The following MTAP variants were observed in gnomAD, a reference collection of about 807,000 sequenced individuals.
MTAP encodes the protein methylthioadenosine phosphorylase, also known as S-methyl-5'-thioadenosine phosphorylase.
MTAP carries 33 observed loss-of-function variants against 33.6 expected under a neutral mutation model. That is an observed-to-expected ratio of 0.98 (90% CI 0.74 to 1.31). The LOEUF (loss-of-function observed/expected upper bound fraction) is 1.31. Among genes scored for constraint, MTAP ranks in the 40% most tolerant of loss-of-function variants. The pLI is 0.00. For missense variants in MTAP, 367 were observed against 360.0 expected (o/e 1.02, Z -0.16); for synonymous variants, 148 against 125.7 (o/e 1.18, Z -1.19).
At position 21,865,141 on chromosome 9, in the gene MTAP, G is replaced by A; in HGVS notation, c.*3127G>A. ...GTAGTTCCCATAATCCCCACATGTT[G>A]TGGGAGGGACCCAGTGGGAGGTAAT... On this transcript the variant is annotated 3_prime_UTR_variant, in exon 8 of 8. Transcript: ENST00000644715. 2 of 962,354 alleles carry A rather than the reference G, an allele frequency of 2.1e-6. No individual in the cohort carries two copies. The highest frequency in any genetic ancestry group is 2.5e-6 in the Non-Finnish European group (2 of 808,942). The allele number at this position is 962,354 out of a possible 1,614,324, so 59.6% of individuals were successfully genotyped here.
intron 1 of MTAP, among the ~76,000 whole-genome samples, chr9:21,916,030 G>A (rs917160553): frequency 1.1e-4 from 14 of 132,784 alleles, no homozygotes; most frequent in African/African-American, 3.8e-4. Context: ...ACTGTGTTTC[G>A]AAAGACAGAG....
At chr9:21,877,241 T>C (rs1826025459) in intron 1 of MTAP, among the ~76,000 whole-genome samples, 1 of 152,054 alleles carries the variant, frequency 6.6e-6, no homozygotes, top group South Asian at 2.1e-4. Flanking sequence ...GTTGTTTATG[T>C]GGTGAAGGAG....
At chr9:21,838,117 G>A (rs755843643) in intron 5 of MTAP, 107 bp downstream of exon 5, 31 of 828,674 alleles carry the variant, frequency 3.7e-5, no homozygotes, top group African/African-American at 1.7e-5. Context: ...CCTCACTCAA[G>A]TTTGCTTTGT....
intron 4 of MTAP, among the ~76,000 whole-genome samples, chr9:21,836,228 A>G (rs954252043): frequency 2.6e-5 from 4 of 152,210 alleles, no homozygotes; most frequent in African/African-American, 7.2e-5. Context: ...AATTTGGTTT[A>G]AGTCCACATA....
chr9:21,848,918 G>A (rs1158961545), intron 5 of MTAP, among the ~76,000 whole-genome samples: 5 of 152,168 alleles, frequency 3.3e-5, no homozygotes, highest in Non-Finnish European at 7.3e-5. Flanking sequence ...ATAATGGGCA[G>A]CAGAGGCAAA....
At chr9:21,936,700 A>T (rs1819045281) in exon 8 of MTAP, 1 of 152,202 alleles carries the variant, frequency 6.6e-6, no homozygotes, top group Non-Finnish European at 1.5e-5. Flanking sequence ...GGAATACCCC[A>T]TAACCGTTCA....
downstream of MTAP, chr9:21,935,482 C>A (rs991588426): frequency 6.6e-6 from 1 of 151,290 alleles, no homozygotes; most frequent in Non-Finnish European, 1.5e-5. Context: ...ATTGGCTATA[C>A]ATTTTTTTTT....
intron 1 of MTAP, chr9:21,892,478 T>C (rs1413378221): frequency 2.6e-5 from 4 of 152,148 alleles, no homozygotes; most frequent in African/African-American, 7.2e-5. Context: ...GCTATTCTTA[T>C]TTCAGACAAA....
At chr9:21,802,997 C>CACACACACACAT (rs1563825721) in intron 1 of MTAP, 3 of 809,578 alleles carry the variant, frequency 3.7e-6, no homozygotes, top group Non-Finnish European at 5.0e-6. Context: ...CACACACACA[C>CACACACACACAT]ACACACACAC....
chr9:21,887,708 A>G lies in MTAP; in HGVS notation c.147+32838A>G, dbSNP rs549153354. 7.4e-4 allele frequency among the ~76,000 whole-genome samples: 112 copies of G among 152,296 alleles called. 1 individual carries two copies. The Middle Eastern group carries it at 0.01, about 14-fold the overall frequency. The stretch of plus-strand genomic sequence containing the variant: ...CCACACTGACTTCCGCAATGGTTGA[A>G]CTAGTTTACAGTCCCACCAACAGTG... On this transcript the variant is annotated intron_variant, in intron 1 of 1. Coordinates refer to the MTAP transcript ENST00000577563.
Position 21,818,317 on chromosome 9 carries a change from C to CTTTTTTTTTTTTTTTTTTTTTTTTTTTT in MTAP, c.347+142_347+143insTTTTTTTTTTTTTTTTTTTTTTTTTTTT, listed in dbSNP as rs35709813. The CTTTTTTTTTTTTTTTTTTTTTTTTTTTT allele has an allele frequency of 1.9e-5, 4 of 206,102 alleles. 2 individuals carry two copies. The highest frequency in any genetic ancestry group is 8.3e-5 in the South Asian group (2 of 24,208). 12.8% of individuals were successfully genotyped at this position (206,102 alleles called of 1,614,324 possible). A position where few individuals can be genotyped will look rare whatever the true frequency, so the allele number is the denominator to read the frequency against. ...GAGGGCAGTGCCACAGACTCGCTTGCTTTTTTTTTTTTTTTTTTTTTTTTT... is the reference window on the plus strand; with the variant it reads ...GAGGGCAGTGCCACAGACTCGCTTGCTTTTTTTTTTTTTTTTTTTTTTTTTTTTTTTTTTTTTTTTTTTTTTTTTTTTT... On this transcript the variant is annotated intron_variant, in intron 4 of 7. Coordinates refer to ENST00000644715, the MANE Select transcript of MTAP (RefSeq NM_002451.4).
At chr9:21,904,659 G>A (rs570483481) in intron 1 of MTAP, among the ~76,000 whole-genome samples, 1 of 152,182 alleles carries the variant, frequency 6.6e-6, no homozygotes, top group Admixed American at 6.5e-5. Flanking sequence ...AGAAAACAGG[G>A]CAAAAAGAGA....
Position 21,854,666 on chromosome 9 carries a change from G to A in MTAP, c.486G>A (p.Arg162=), listed in dbSNP as rs560905724. ...LIETAKKLGL[R]CHSKGTMVTI... is the part of the protein sequence containing the mutation. The stretch of plus-strand genomic sequence containing the variant: ...AGACTGCTAAGAAGCTAGGACTCCG[G>A]TGCCACTCAAAGGGGACAATGGTCA... Residue 162 remains arginine (R), a synonymous_variant, in exon 6 of 8, where the codon CGG becomes CGA. Coordinates refer to ENST00000644715, the MANE Select transcript of MTAP (RefSeq NM_002451.4). 7 of 1,607,842 alleles carry A rather than the reference G, an allele frequency of 4.4e-6. No homozygotes were observed. In the South Asian group the frequency reaches 6.6e-5, roughly 15 times the overall value.
chr9:21,836,775 G>T (rs191462237), intron 4 of MTAP, among the ~76,000 whole-genome samples: 1 of 152,126 alleles, frequency 6.6e-6, no homozygotes, highest in South Asian at 2.1e-4. Flanking sequence ...CCTCCAGAGC[G>T]CTGAGGCCTT....
chr9:21,935,123 TAA>T (rs891138718), downstream of MTAP: 2 of 152,222 alleles, frequency 1.3e-5, no homozygotes, highest in African/African-American at 4.8e-5. Context: ...TGAAATTTCA[TAA>T]GTCAATTAAA....
At chr9:21,930,970 T>C (rs529739035) in intron 1 of MTAP, 33 of 739,270 alleles carry the variant, frequency 4.5e-5, no homozygotes, top group South Asian at 7.2e-5. Context: ...TCTTCAAAAA[T>C]CTAATAACCC....
chr9:21,905,050 G>A (rs898257766), intron 1 of MTAP, among the ~76,000 whole-genome samples: 1 of 152,160 alleles, frequency 6.6e-6, no homozygotes, highest in Non-Finnish European at 1.5e-5. Context: ...CCCAGTGGGC[G>A]TGTGTTACAG....
intron 4 of MTAP, among the ~76,000 whole-genome samples, chr9:21,818,859 T>G (rs1824555049): frequency 6.6e-6 from 1 of 152,256 alleles, no homozygotes; most frequent in South Asian, 2.1e-4. Flanking sequence ...CCATGCAGTA[T>G]AATCTCAAAA....
chr9:21,818,024 T>C lies in MTAP; in HGVS notation c.180-11T>C. The C allele has an allele frequency of 6.2e-7, 1 of 1,601,668 alleles. No individual in the cohort carries two copies. On this transcript the variant is annotated splice_polypyrimidine_tract_variant and intron_variant, in intron 3 of 7. Transcript: ENST00000644715. ...CATCACGGGTTAACAATTTCTTCTC[T>C]CCTTCCATAGGCATGGAAGGCAGCA...
Sources: gnomAD v4.1 joint callset for allele counts (sites outside exome capture counted in the v4.1 genomes callset) on GRCh38, gnomAD v4.1.1 for gene constraint, MANE v1.5 for transcripts, NCBI Gene and HGNC (gene_info 2026-07-23, HGNC 2026-07-21) for gene names.